NLRP1: variants seen among roughly 807,000 people sequenced by gnomAD.
NLRP1 encodes NLR family pyrin domain containing 1, also known as NACHT, LRR and PYD domains-containing protein 1.
A neutral mutation model predicts 136.7 loss-of-function variants in NLRP1; 94 were observed. The ratio of observed to expected loss-of-function variants is 0.69; its 90% CI spans 0.58 to 0.82. The LOEUF is 0.82. Ranked by LOEUF, NLRP1 falls within the 40% of genes least tolerant of loss-of-function variation. The pLI, the probability that NLRP1 is intolerant of heterozygous loss-of-function variation, is 0.00. For synonymous variants in NLRP1, 690 were observed against 725.1 expected (o/e 0.95, Z 0.78); for missense variants, 1,575 against 1,802.7 (o/e 0.87, Z 2.29).
intron 5 of NLRP1, among the ~76,000 whole-genome samples, chr17:5,551,367 T>C (rs1913336155): frequency 1.3e-5 from 2 of 152,222 alleles, no homozygotes; most frequent in African/African-American, 4.8e-5. Flanking sequence ...ATAGCTTATT[T>C]CTTTTTAGCA....
chr17:5,510,628 A>G (rs1286492105), downstream of NLRP1, among the ~76,000 whole-genome samples: 2 of 151,984 alleles, frequency 1.3e-5, no homozygotes, highest in Non-Finnish European at 2.9e-5. Context: ...TGACATCCCA[A>G]AGTGCTAGGA....
chr17:5,569,906 A>C (rs998423312), intron 3 of NLRP1, among the ~76,000 whole-genome samples: 4 of 152,168 alleles, frequency 2.6e-5, no homozygotes, highest in African/African-American at 9.6e-5. Flanking sequence ...AACCCAAATC[A>C]TACCAGCCAC....
intron 5 of NLRP1, among the ~76,000 whole-genome samples, chr17:5,552,234 T>A (rs117052039): frequency 3.8e-3 from 579 of 152,260 alleles, no homozygotes; most frequent in Non-Finnish European, 6.0e-3. Flanking sequence ...TAATTTCCTT[T>A]GTGATTTCTT....
At chr17:5,540,636 C>T (rs761404274) in intron 6 of NLRP1, among the ~76,000 whole-genome samples, 6 of 152,114 alleles carry the variant, frequency 3.9e-5, no homozygotes, top group Admixed American at 1.3e-4. Flanking sequence ...TGAATCTCTC[C>T]GAGATCCAAT....
chr17:5,584,121 T>TA lies in NLRP1; in HGVS notation c.-165dup, dbSNP rs138619692. On this transcript the variant is annotated 5_prime_UTR_variant, in exon 1 of 17. Transcript: ENST00000572272. Reference sequence around the variant, plus strand: ...CAGGGCACCTACAGATAGACGCCGATAGAGGGGGAGTGGTAGGAAAAGCCA... The same window carrying TA: ...CAGGGCACCTACAGATAGACGCCGATAAGAGGGGGAGTGGTAGGAAAAGCCA... The TA allele has an allele frequency of 2.0e-4, 133 of 678,178 alleles. No homozygotes were observed. The East Asian group carries it at 2.8e-3, about 14-fold the overall frequency. 42.0% of individuals were successfully genotyped at this position (678,178 alleles called of 1,614,324 possible).
chr17:5,568,395 TTC>T (rs560480913), intron 3 of NLRP1, among the ~76,000 whole-genome samples: 124 of 152,288 alleles, frequency 8.1e-4, no homozygotes, highest in Middle Eastern at 3.4e-3. Context: ...GCTCCAGAAT[TTC>T]TGTTTGATTA....
rs1914443247 is a variant in NLRP1 at position 5,559,116 on chromosome 17, C to T, written c.1580G>A (p.Cys527Tyr). The change falls in exon 4 of 17, where the codon TGC becomes TAC. Residue 527 changes from cysteine to tyrosine, a missense_variant. Coordinates refer to ENST00000572272, the MANE Select transcript of NLRP1 (RefSeq NM_033004.4). Reference sequence around the variant, plus strand: ...CTTCATCTGCTGCATCAGGCAAGTGCAGGCCAGCCAGGACACCCAGGGCAC... The same window carrying T: ...CTTCATCTGCTGCATCAGGCAAGTGTAGGCCAGCCAGGACACCCAGGGCAC... Reference protein sequence around the residue: ...CLVPWVSWLACTCLMQQMKRK... With the variant: ...CLVPWVSWLAYTCLMQQMKRK... 6 of 1,614,198 alleles carry T rather than the reference C, an allele frequency of 3.7e-6. No individual in the cohort carries two copies. Among genetic ancestry groups the T allele is most frequent in the Non-Finnish European group, 5.1e-6 (6 of 1,180,046 alleles).
At chr17:5,525,996 G>A (rs1394811684) in intron 12 of NLRP1, among the ~76,000 whole-genome samples, 2 of 142,732 alleles carry the variant, frequency 1.4e-5, no homozygotes, top group Non-Finnish European at 3.0e-5. Context: ...TTTTTTTTGA[G>A]ACAGAGTCTT....
chr17:5,555,732 C>T (rs1913967493), intron 4 of NLRP1, among the ~76,000 whole-genome samples: 2 of 152,164 alleles, frequency 1.3e-5, no homozygotes, highest in African/African-American at 4.8e-5. Flanking sequence ...ATGGTCAAAT[C>T]AGCCATGGCA....
At chr17:5,512,100 A>C (rs1907679551), downstream of NLRP1, 1 of 768,244 alleles carries the variant, frequency 1.3e-6, no homozygotes, top group South Asian at 1.4e-5. Context: ...GTGCATCCAC[A>C]ATGTCTTCAT....
chr17:5,533,371 G>C lies in NLRP1; in HGVS notation c.3066C>G (p.Ser1022=), dbSNP rs201543088. Residue 1022 remains serine (S), a synonymous_variant, in exon 10 of 17, where the codon TCC becomes TCG. Coordinates refer to ENST00000572272, the MANE Select transcript of NLRP1 (RefSeq NM_033004.4). ...GTTTGAGATTAGCCTGAGCAACATGGGAAGCCGCCCTCTCTACAGAAAAAA... is the reference window on the plus strand; with the variant it reads ...GTTTGAGATTAGCCTGAGCAACATGCGAAGCCGCCCTCTCTACAGAAAAAA... ...RQRLGSERAA[S]HVAQANLKLL... 2.5e-6 allele frequency: 3 copies of C among 1,220,970 alleles called. No individual in the cohort carries two copies. Among genetic ancestry groups the C allele is most frequent in the African/African-American group, 3.0e-5 (2 of 66,504 alleles). 75.6% of individuals were successfully genotyped at this position (1,220,970 alleles called of 1,614,324 possible).
chr17:5,508,962 CCCAGTGG>C (rs1453682194), intron 15 of NLRP1, among the ~76,000 whole-genome samples: 2 of 152,186 alleles, frequency 1.3e-5, no homozygotes, highest in African/African-American at 4.8e-5. Flanking sequence ...AAGTAATGGA[CCCAGTGG>C]CCATTTTCAG....
intron 7 of NLRP1, among the ~76,000 whole-genome samples, chr17:5,538,211 A>G (rs1327674483): frequency 6.6e-6 from 1 of 152,042 alleles, no homozygotes; most frequent in Admixed American, 6.5e-5. Flanking sequence ...GAAGCCACTC[A>G]TGGGCTTGCT....
chr17:5,512,876 C>T (rs900884534), downstream of NLRP1, among the ~76,000 whole-genome samples: 5 of 152,200 alleles, frequency 3.3e-5, no homozygotes, highest in African/African-American at 7.2e-5. Flanking sequence ...GGGCTTTGGC[C>T]AGCTTCTTTA....
chr17:5,514,261 T>A lies in NLRP1; in HGVS notation c.*493A>T, dbSNP rs11657320. 0.047 allele frequency: 12,682 copies of A among 270,102 alleles called. 349 individuals are homozygous for A. Among genetic ancestry groups the A allele is most frequent in the Middle Eastern group, 0.066 (36 of 546 alleles). The allele number at this position is 270,102 out of a possible 1,614,324, so 16.7% of individuals were successfully genotyped here. A position where few individuals can be genotyped will look rare whatever the true frequency, so the allele number is the denominator to read the frequency against. Reference sequence around the variant, plus strand: ...CCTGCTAGACAAATTCTAAAAGAGCTGTGATACTCCTTTATTTTCTGAATA... The same window carrying A: ...CCTGCTAGACAAATTCTAAAAGAGCAGTGATACTCCTTTATTTTCTGAATA... On this transcript the variant is annotated 3_prime_UTR_variant, in exon 17 of 17. Transcript: ENST00000572272.
chr17:5,583,137 G>A lies in NLRP1; in HGVS notation c.272-291C>T, dbSNP rs1905888593. Among the ~76,000 whole-genome samples the A allele has an allele frequency of 6.6e-6, 1 of 152,102 alleles. No homozygotes were observed. The highest frequency in any genetic ancestry group is 2.4e-5 in the African/African-American group (1 of 41,400). On this transcript the variant is annotated intron_variant, in intron 1 of 16. Coordinates refer to ENST00000572272, the MANE Select transcript of NLRP1 (RefSeq NM_033004.4). The surrounding 1 kb of genome is among the most constrained non-coding windows in gnomAD (Gnocchi z 4.5). ...CTGAGCCTCAGCTGTGCTTTATTGG[G>A]CCAACGGCATCTGCAACCCAGGGTG...
At position 5,541,037 on chromosome 17, in the gene NLRP1, CTCT is replaced by C. The variant is rs1911803847; in HGVS notation, c.2699+817_2699+819del. Among the ~76,000 whole-genome samples the C allele has an allele frequency of 6.6e-6, 1 of 152,118 alleles. No homozygotes were observed. Among genetic ancestry groups the C allele is most frequent in the Admixed American group, 6.5e-5 (1 of 15,270 alleles). ...AGGACCAGGGAGAGGTAACTATGCACTCTTGTTTCTTTTCTTTTCTTTTTTAAG... is the reference window on the plus strand; with the variant it reads ...AGGACCAGGGAGAGGTAACTATGCACTGTTTCTTTTCTTTTCTTTTTTAAG... On this transcript the variant is annotated intron_variant, in intron 6 of 16. Coordinates refer to ENST00000572272, the MANE Select transcript of NLRP1 (RefSeq NM_033004.4). The surrounding 1 kb of genome is among the most constrained non-coding windows in gnomAD (Gnocchi z 4.2).
intron 10 of NLRP1, 46 bp from the exon 11 acceptor site, chr17:5,533,030 C>A: frequency 1.3e-6 from 2 of 1,561,342 alleles, no homozygotes; most frequent in Non-Finnish European, 1.7e-6. Flanking sequence ...CCCGCCTGGC[C>A]TCCCCTAGCC....
chr17:5,568,904 T>A (rs1404155583), intron 3 of NLRP1, among the ~76,000 whole-genome samples: 5 of 152,154 alleles, frequency 3.3e-5, no homozygotes, highest in African/African-American at 4.8e-5. Flanking sequence ...ACATACAGTC[T>A]CTGTCTCTTC....
Sources: allele counts gnomAD v4.1 joint callset (sites outside exome capture counted in the v4.1 genomes callset), GRCh38; gene constraint gnomAD v4.1.1; non-coding constraint Gnocchi (gnomAD v3.1); transcripts MANE v1.5; gene names NCBI Gene and HGNC (gene_info 2026-07-23, HGNC 2026-07-21).